AFAP1: variants seen among roughly 807,000 people sequenced by gnomAD.
AFAP1 encodes actin filament-associated protein 1.
AFAP1 carries 75 observed loss-of-function variants against 93.9 expected under a neutral mutation model. The observed-to-expected ratio is 0.80, with a 90% CI of 0.66 to 0.97. The LOEUF (loss-of-function observed/expected upper bound fraction) is 0.97. Ranked by LOEUF, AFAP1 falls within the 50% of genes least tolerant of loss-of-function variation. The pLI is 0.00. For missense variants in AFAP1, 1,201 were observed against 1,050.8 expected (o/e 1.14, Z -1.98); for synonymous variants, 517 against 430.7 (o/e 1.20, Z -2.48).
chr4:7,869,774 G>A (rs1327976117), intron 2 of AFAP1, among the ~76,000 whole-genome samples: 2 of 152,044 alleles, frequency 1.3e-5, no homozygotes, highest in African/African-American at 4.8e-5. Flanking sequence ...CTGACCTCCA[G>A]GAGCTGCAAT....
In AFAP1 at chr4:7,855,570, G is replaced by A. The variant is rs1714957397; in HGVS notation, c.230C>T (p.Pro77Leu). The A allele has an allele frequency of 6.2e-7, 1 of 1,609,696 alleles. No homozygotes were observed. The change falls in exon 4 of 18, where the codon CCT becomes CTT. Residue 77 changes from proline to leucine, a missense_variant. By Grantham distance (98) the Pro-to-Leu change is moderately conservative. Coordinates refer to ENST00000420658, the MANE Select transcript of AFAP1 (RefSeq NM_001134647.2). ...LPEIPQPWLP[P>L]DSGPPPLPTS... ...TGGCAATGGTGGAGGCCCACTGTCA[G>A]GAGGCTGAGGAAGAAAGGAAAAGTG...
At chr4:7,926,228 G>A (rs1444945041) in intron 1 of AFAP1, among the ~76,000 whole-genome samples, 6 of 152,142 alleles carry the variant, frequency 3.9e-5, no homozygotes, top group Non-Finnish European at 8.8e-5. Flanking sequence ...ATAATTAAGA[G>A]GAGATTCTCC....
At chr4:7,809,086 T>G (rs1719785596) in intron 9 of AFAP1, among the ~76,000 whole-genome samples, 1 of 151,950 alleles carries the variant, frequency 6.6e-6, no homozygotes, top group African/African-American at 2.4e-5. Context: ...ATACTTTAAG[T>G]TTTAGGGTAC....
At chr4:7,876,670 A>G (rs981755398) in intron 1 of AFAP1, among the ~76,000 whole-genome samples, 4 of 152,220 alleles carry the variant, frequency 2.6e-5, no homozygotes, top group African/African-American at 9.6e-5. Flanking sequence ...GCCTGTTGTT[A>G]GCTACTCGGA....
chr4:7,932,692 A>C (rs1721143084), intron 1 of AFAP1, among the ~76,000 whole-genome samples: 1 of 152,156 alleles, frequency 6.6e-6, no homozygotes, highest in East Asian at 1.9e-4. Context: ...AAACCTCACC[A>C]ACAGCCTCAC....
intron 3 of AFAP1, among the ~76,000 whole-genome samples, chr4:7,863,350 C>A (rs1183043872): frequency 1.3e-5 from 2 of 152,066 alleles, no homozygotes; most frequent in Admixed American, 6.6e-5. Flanking sequence ...ACCAGGGAAG[C>A]GGAGGCTGCA....
rs377095053 is a variant in AFAP1 at position 7,819,063 on chromosome 4, G to A, written c.822+13C>T. ...AGGTCACCGTCCCCACCCAGCAAGAGCAGCGCCCTTACCTTCTCCAGTTCT... is the reference window on the plus strand; with the variant it reads ...AGGTCACCGTCCCCACCCAGCAAGAACAGCGCCCTTACCTTCTCCAGTTCT... On this transcript the variant is annotated intron_variant, in intron 7 of 17. Coordinates refer to ENST00000420658, the MANE Select transcript of AFAP1 (RefSeq NM_001134647.2). 100 of 1,594,288 alleles carry A rather than the reference G, an allele frequency of 6.3e-5. No individual in the cohort carries two copies. The highest frequency in any genetic ancestry group is 8.1e-5 in the Non-Finnish European group (95 of 1,171,440).
chr4:7,802,794 C>T lies in AFAP1; in HGVS notation c.1055-2141G>A, dbSNP rs949394663. ...CCTCCCAAGCAGCTGGGACTACAGGCGCCCGCCACCACACCTGGCTAATTT... is the reference window on the plus strand; with the variant it reads ...CCTCCCAAGCAGCTGGGACTACAGGTGCCCGCCACCACACCTGGCTAATTT... On this transcript the variant is annotated intron_variant, in intron 9 of 17. Transcript: ENST00000420658. Among the ~76,000 whole-genome samples, 6 of 152,084 alleles carry T rather than the reference C, an allele frequency of 3.9e-5. No individual in the cohort carries two copies. The East Asian group carries it at 5.8e-4, about 15-fold the overall frequency.
Position 7,928,618 on chromosome 4 carries a change from C to G in AFAP1, c.-3+11038G>C, listed in dbSNP as rs143310928. Among the ~76,000 whole-genome samples the G allele has an allele frequency of 5.1e-3, 779 of 152,324 alleles. 9 individuals are homozygous for G. The highest frequency in any genetic ancestry group is 0.018 in the African/African-American group (737 of 41,574). ...GGCCAGGCTGGTCTCAAACTCCTGACCTCATGATTCGCCCACCTTGGCCTC... is the reference window on the plus strand; with the variant it reads ...GGCCAGGCTGGTCTCAAACTCCTGAGCTCATGATTCGCCCACCTTGGCCTC... On this transcript the variant is annotated intron_variant, in intron 1 of 17. Transcript: ENST00000420658.
At chr4:7,842,927 A>C in intron 5 of AFAP1, 1 of 547,016 alleles carries the variant, frequency 1.8e-6, no homozygotes, top group Non-Finnish European at 3.2e-6. Flanking sequence ...GGAGCTGGGA[A>C]ACCGGCAACC....
chr4:7,910,398 A>T (rs899816693), intron 1 of AFAP1, among the ~76,000 whole-genome samples: 8 of 152,232 alleles, frequency 5.3e-5, no homozygotes, highest in Non-Finnish European at 1.2e-4. Flanking sequence ...AAGAGATGTT[A>T]GGCAACCTCC....
chr4:7,874,350 C>CTTTTTT (rs1178468163), intron 1 of AFAP1, among the ~76,000 whole-genome samples: 2 of 111,026 alleles, frequency 1.8e-5, no homozygotes, highest in African/African-American at 7.0e-5. Context: ...GTCAGATTGC[C>CTTTTTT]TTTTTCTTTT....
chr4:7,854,592 T>A (rs1327592431), intron 4 of AFAP1, among the ~76,000 whole-genome samples: 2 of 152,112 alleles, frequency 1.3e-5, no homozygotes, highest in Admixed American at 1.3e-4. Context: ...TATAACAACT[T>A]TGGGGAAAGG....
chr4:7,770,311 C>T (rs1340406052), intron 16 of AFAP1, among the ~76,000 whole-genome samples: 1 of 152,074 alleles, frequency 6.6e-6, no homozygotes, highest in Non-Finnish European at 1.5e-5. Flanking sequence ...TGTGGAGCCA[C>T]CATAGAAGAG....
At chr4:7,915,094 G>A (rs1430055722) in intron 1 of AFAP1, among the ~76,000 whole-genome samples, 1 of 152,176 alleles carries the variant, frequency 6.6e-6, no homozygotes, top group Non-Finnish European at 1.5e-5. Flanking sequence ...ATGTTGGCCA[G>A]GCTGGTTTCA....
intron 1 of AFAP1, among the ~76,000 whole-genome samples, chr4:7,898,659 A>AG (rs1421664162): frequency 1.5e-3 from 16 of 10,860 alleles, no homozygotes; most frequent in East Asian, 8.5e-3. Flanking sequence ...AAAAAGAAGA[A>AG]AAAAAAAAAA....
intron 10 of AFAP1, among the ~76,000 whole-genome samples, chr4:7,798,327 G>A (rs1396373328): frequency 1.5e-5 from 2 of 134,004 alleles, no homozygotes; most frequent in African/African-American, 5.5e-5. Context: ...TCACGGCATT[G>A]CAACTCTATT....
intron 5 of AFAP1, among the ~76,000 whole-genome samples, chr4:7,839,606 G>A (rs1259826288): frequency 6.6e-6 from 1 of 151,942 alleles, no homozygotes; most frequent in Non-Finnish European, 1.5e-5. Context: ...GAGGATAACA[G>A]CAATGTATAA....
Position 7,819,404 on chromosome 4 carries a change from C to T in AFAP1, c.727-233G>A, listed in dbSNP as rs115026199. 7.7e-3 allele frequency among the ~76,000 whole-genome samples: 1,169 copies of T among 152,328 alleles called. 12 individuals are homozygous for T. The highest frequency in any genetic ancestry group is 0.02 in the Middle Eastern group (6 of 294). On this transcript the variant is annotated intron_variant, in intron 6 of 17. Coordinates refer to ENST00000420658, the MANE Select transcript of AFAP1 (RefSeq NM_001134647.2). The stretch of plus-strand genomic sequence containing the variant: ...ACATAGGGCATGGAACATGCAACTA[C>T]GTTTCCTGCTGGCATGGAGTTTCAT...
Sources: allele counts gnomAD v4.1 joint callset (sites outside exome capture counted in the v4.1 genomes callset), GRCh38; gene constraint gnomAD v4.1.1; transcripts MANE v1.5; gene names NCBI Gene and HGNC (gene_info 2026-07-23, HGNC 2026-07-21).